The following RTTN variants were observed in gnomAD, a reference collection of about 807,000 sequenced individuals.
RTTN encodes the protein rotatin.
Under a neutral mutation model 269.2 loss-of-function variants are expected in RTTN, and 182 were observed. The observed-to-expected ratio is 0.68, with a 90% CI of 0.60 to 0.76. RTTN has a LOEUF of 0.76. RTTN is among the 30% of genes least tolerant of loss of function. RTTN has a pLI of 0.00. For missense variants in RTTN, 2,545 were observed against 2,608.6 expected (o/e 0.98, Z 0.53); for synonymous variants, 1,006 against 963.5 (o/e 1.04, Z -0.82).
chr18:70,150,748 T>G lies in RTTN; in HGVS notation c.1930-15A>C, dbSNP rs772871735. On this transcript the variant is annotated splice_polypyrimidine_tract_variant and intron_variant, in intron 14 of 48. Transcript: ENST00000640769. ...CCTAAACATTCCTGTAAAATAATAT[T>G]AAAAAGTATTTTTAAATTAGCAACA... 8 of 1,543,170 alleles carry G rather than the reference T, an allele frequency of 5.2e-6. No individual in the cohort carries two copies. Among genetic ancestry groups the G allele is most frequent in the Non-Finnish European group, 7.0e-6 (8 of 1,136,688 alleles).
At position 70,184,703 on chromosome 18, in the gene RTTN, GTT is replaced by G. The variant is rs374636456; in HGVS notation, c.1305+3403_1305+3404del. Among the ~76,000 whole-genome samples the G allele has an allele frequency of 4.1e-3, 109 of 26,376 alleles. 2 individuals are homozygous for G. The highest frequency in any genetic ancestry group is 6.0e-3 in the African/African-American group (108 of 18,124). The allele number at this position is 26,376 out of a possible 152,430, so 17.3% of individuals were successfully genotyped here. Reference sequence around the variant, plus strand: ...TCAATTCCATTCAAAACCACAGCAGGTTTTTTTTTTTTTTGTGTGTGTGTGTG... The same window carrying G: ...TCAATTCCATTCAAAACCACAGCAGGTTTTTTTTTTTTGTGTGTGTGTGTG... On this transcript the variant is annotated intron_variant, in intron 10 of 48. Transcript: ENST00000640769.
chr18:70,205,605 G>A lies in RTTN; in HGVS notation c.31+23C>T, dbSNP rs554610785. ...GGCCAGAGCGCGGGGGGTGCCTTGG[G>A]CGAGGGGCAAGCTGACAGTTACCGA... On this transcript the variant is annotated intron_variant, in intron 1 of 48. Transcript: ENST00000640769. The A allele has an allele frequency of 1.3e-5, 21 of 1,614,060 alleles. No homozygotes were observed. The East Asian group carries it at 4.5e-4, about 34-fold the overall frequency.
intron 18 of RTTN, among the ~76,000 whole-genome samples, chr18:70,145,295 C>T (rs1414797765): frequency 6.6e-6 from 1 of 152,164 alleles, no homozygotes; most frequent in Non-Finnish European, 1.5e-5. Context: ...TTATATATTA[C>T]AATGTAATAA....
In RTTN at chr18:70,135,181, C is replaced by T; in HGVS notation, c.2885+3G>A. The T allele has an allele frequency of 6.8e-7, 1 of 1,476,538 alleles. No homozygotes were observed. The allele number at this position is 1,476,538 out of a possible 1,614,324, so 91.5% of individuals were successfully genotyped here. A position where few individuals can be genotyped will look rare whatever the true frequency, so the allele number is the denominator to read the frequency against. On this transcript the variant is annotated splice_donor_region_variant and intron_variant, in intron 22 of 48. Transcript: ENST00000640769. ...AAAAAACTTATAAATTCTTATATCT[C>T]ACCACATATCCATTCTCGATACTTC...
At chr18:70,024,196 T>C (rs1038655291) in intron 44 of RTTN, among the ~76,000 whole-genome samples, 1 of 152,188 alleles carries the variant, frequency 6.6e-6, no homozygotes, top group African/African-American at 2.4e-5. Context: ...TCTGAGGCCC[T>C]ACATGACCTG....
Position 70,127,556 on chromosome 18 carries a change from G to A in RTTN, c.3329C>T (p.Pro1110Leu). 1.2e-6 allele frequency: 2 copies of A among 1,613,448 alleles called. No homozygotes were observed. Among genetic ancestry groups the A allele is most frequent in the Middle Eastern group, 1.6e-4 (1 of 6,062 alleles). The change falls in exon 25 of 49, where the codon CCT becomes CTT. Residue 1110 changes from proline (P) to leucine (L), a missense_variant. Transcript: ENST00000640769. ...LNDRLSLKGC[P>L]GPCGVTLKSL... ...CTTCAAGGTAACCCCACATGGACCA[G>A]GGCAACCCTTTAAAGACAATCTGTC...
At chr18:70,020,914 T>C in intron 44 of RTTN, 97 bp from the exon 45 acceptor site, 1 of 1,001,886 alleles carries the variant, frequency 1.0e-6, no homozygotes, top group Admixed American at 2.4e-5. Flanking sequence ...ACAAAATGAC[T>C]AGGCCATTAA....
intron 23 of RTTN, chr18:70,131,554 T>C (rs2059999415): frequency 6.6e-6 from 1 of 151,708 alleles, no homozygotes; most frequent in African/African-American, 2.4e-5. Context: ...TATAGAAGAA[T>C]ACTTAGCTGG....
chr18:70,094,474 G>A (rs2058941764), intron 28 of RTTN, among the ~76,000 whole-genome samples: 1 of 152,080 alleles, frequency 6.6e-6, no homozygotes, highest in South Asian at 2.1e-4. Flanking sequence ...AGAGATTCTG[G>A]TATATTGTGT....
At chr18:70,097,924 ACTT>A (rs1405871427) in intron 28 of RTTN, among the ~76,000 whole-genome samples, 9 of 152,176 alleles carry the variant, frequency 5.9e-5, no homozygotes, top group South Asian at 4.1e-4. Context: ...GCAACACTTC[ACTT>A]CTTCTTTAGT....
At position 70,191,048 on chromosome 18, in the gene RTTN, G is replaced by A. The variant is rs963470896; in HGVS notation, c.1008-329C>T. Among the ~76,000 whole-genome samples the A allele has an allele frequency of 1.2e-4, 18 of 152,178 alleles. No homozygotes were observed. The East Asian group carries it at 2.3e-3, about 20-fold the overall frequency. ...ACTAAAAATACAAAAAAAAAAATTC[G>A]CTGGGCATGGTGGCACACACCTGTA... On this transcript the variant is annotated intron_variant, in intron 8 of 48. Coordinates refer to ENST00000640769, the MANE Select transcript of RTTN (RefSeq NM_173630.4).
chr18:70,157,181 G>A (rs549998990), intron 14 of RTTN, among the ~76,000 whole-genome samples: 19 of 151,914 alleles, frequency 1.3e-4, no homozygotes, highest in South Asian at 4.2e-4. Context: ...ACCGCCCCAC[G>A]CCCCCCCAGA....
intron 32 of RTTN, among the ~76,000 whole-genome samples, chr18:70,077,888 G>T (rs1568341547): frequency 2.0e-5 from 3 of 151,636 alleles, no homozygotes; most frequent in African/African-American, 7.3e-5. Flanking sequence ...GTGCAAAAAG[G>T]TTTAAGATAT....
chr18:70,101,210 CTTT>C (rs1464810402), intron 28 of RTTN, among the ~76,000 whole-genome samples: 1 of 152,050 alleles, frequency 6.6e-6, no homozygotes, highest in African/African-American at 2.4e-5. Context: ...TGGTCCTGGA[CTTT>C]TTTTGGTTGG....
chr18:70,153,200 C>T (rs1042906972), intron 14 of RTTN, among the ~76,000 whole-genome samples: 2 of 152,042 alleles, frequency 1.3e-5, no homozygotes, highest in Non-Finnish European at 2.9e-5. Flanking sequence ...TTATTTAAAA[C>T]ACTATATACA....
chr18:70,199,686 T>A (rs1046027632), intron 4 of RTTN, among the ~76,000 whole-genome samples, 182 bp from the exon 5 acceptor site: 4 of 152,020 alleles, frequency 2.6e-5, no homozygotes, highest in South Asian at 4.2e-4. Flanking sequence ...AATAAGAGAG[T>A]TCTCTTTTCA....
At chr18:70,122,439 TAA>T (rs1332843537) in intron 25 of RTTN, among the ~76,000 whole-genome samples, 1 of 152,130 alleles carries the variant, frequency 6.6e-6, no homozygotes, top group African/African-American at 2.4e-5. Context: ...AAAATGTTAA[TAA>T]GAGTGACAAT....
chr18:70,078,391 C>T (rs914355257), intron 32 of RTTN, among the ~76,000 whole-genome samples: 2 of 151,804 alleles, frequency 1.3e-5, no homozygotes, highest in African/African-American at 4.8e-5. Context: ...GTTACCACTA[C>T]AATCATTTTG....
At chr18:70,008,612 C>T (rs1257685110) in intron 46 of RTTN, 3 of 150,234 alleles carry the variant, frequency 2.0e-5, no homozygotes, top group Non-Finnish European at 4.4e-5. Context: ...GTGAAGCATA[C>T]ACAAGTATCA....
Sources: allele counts gnomAD v4.1 joint callset (sites outside exome capture counted in the v4.1 genomes callset), GRCh38; gene constraint gnomAD v4.1.1; transcripts MANE v1.5; gene names NCBI Gene and HGNC (gene_info 2026-07-23, HGNC 2026-07-21).